FBXW10B: variants seen among roughly 807,000 people sequenced by gnomAD.
The protein encoded by FBXW10B is F-box and WD repeat domain containing protein 10B.
the FBXW10B span, chr17:15,613,618 C>T: frequency 6.4e-7 from 1 of 1,562,938 alleles, no homozygotes; most frequent in Non-Finnish European, 8.6e-7. Context: ...GAAGTACCTG[C>T]AAGAAGGTAA....
the FBXW10B span, chr17:15,612,686 G>T: frequency 1.2e-6 from 2 of 1,613,968 alleles, no homozygotes; most frequent in Non-Finnish European, 1.7e-6. Context: ...TGCCCCAGAT[G>T]CTGTTGGAAC....
At chr17:15,605,590 G>T in the FBXW10B span, 1 of 915,346 alleles carries the variant, frequency 1.1e-6, no homozygotes, top group Non-Finnish European at 1.3e-6. Flanking sequence ...AGGCTCTGAG[G>T]GATCCCCACT....
chr17:15,592,295 G>GTTTTTTTTTTTTTTTTTTTTTTTTTT, the FBXW10B span, among the ~76,000 whole-genome samples: 1 of 107,698 alleles, frequency 9.3e-6, no homozygotes, highest in African/African-American at 3.5e-5. Flanking sequence ...AATGGCCAGA[G>GTTTTTTTTTTTTTTTTTTTTTTTTTT]TTTTTTTTTT....
At chr17:15,574,595 GGAAGCATCCCA>G in the FBXW10B span, among the ~76,000 whole-genome samples, 1 of 118,562 alleles carries the variant, frequency 8.4e-6, no homozygotes, top group Non-Finnish European at 1.7e-5. Flanking sequence ...ACATCACTTA[GGAAGCATCCCA>G]GATGCTCATG....
the FBXW10B span, among the ~76,000 whole-genome samples, chr17:15,599,793 T>C: frequency 6.6e-6 from 1 of 151,946 alleles, no homozygotes; most frequent in Admixed American, 6.6e-5. Flanking sequence ...AGCAGAATGC[T>C]GAGATAATGG....
the FBXW10B span, among the ~76,000 whole-genome samples, chr17:15,570,616 G>T: frequency 6.6e-6 from 1 of 152,206 alleles, no homozygotes; most frequent in Admixed American, 6.5e-5. Flanking sequence ...GCAAGAGAGA[G>T]AAAGAAAAGG....
At chr17:15,612,640 T>G in the FBXW10B span, 1 of 1,610,858 alleles carries the variant, frequency 6.2e-7, no homozygotes, top group South Asian at 1.1e-5. Context: ...GACCTCAGCC[T>G]TCAATGGCAA....
chr17:15,615,252 C>T, the FBXW10B span, among the ~76,000 whole-genome samples: 2 of 150,264 alleles, frequency 1.3e-5, no homozygotes, highest in Admixed American at 1.3e-4. Context: ...TCCCCAGATG[C>T]TATCACCCTG....
At chr17:15,578,589 G>A in the FBXW10B span, among the ~76,000 whole-genome samples, 6 of 152,246 alleles carry the variant, frequency 3.9e-5, no homozygotes, top group Non-Finnish European at 7.3e-5. Flanking sequence ...TGTCTGTCAC[G>A]TGGCAGGCAT....
the FBXW10B span, among the ~76,000 whole-genome samples, chr17:15,607,285 A>G: frequency 6.7e-6 from 1 of 149,216 alleles, no homozygotes; most frequent in African/African-American, 2.5e-5. Flanking sequence ...AAATTAATAA[A>G]ACAAAATAAA....
At chr17:15,591,631 G>A in the FBXW10B span, among the ~76,000 whole-genome samples, 2 of 152,180 alleles carry the variant, frequency 1.3e-5, no homozygotes, top group Non-Finnish European at 2.9e-5. Context: ...CCTGGAGTGA[G>A]TGCCATGTAC....
At chr17:15,569,560 C>T in the FBXW10B span, among the ~76,000 whole-genome samples, 4 of 141,320 alleles carry the variant, frequency 2.8e-5, no homozygotes, top group East Asian at 4.5e-4. Flanking sequence ...CTCCAGAACT[C>T]GTGATCCTCC....
At chr17:15,598,548 T>C in the FBXW10B span, 1 of 1,613,794 alleles carries the variant, frequency 6.2e-7, no homozygotes, top group South Asian at 1.1e-5. Context: ...CCTGGCAATC[T>C]CTTCCTCCAG....
At chr17:15,566,627 C>T in the FBXW10B span, among the ~76,000 whole-genome samples, 1 of 151,898 alleles carries the variant, frequency 6.6e-6, no homozygotes, top group African/African-American at 2.4e-5. Flanking sequence ...GTGGCATGTT[C>T]TCTGCTCACT....
At chr17:15,586,776 G>C in the FBXW10B span, among the ~76,000 whole-genome samples, 1 of 151,520 alleles carries the variant, frequency 6.6e-6, no homozygotes, top group African/African-American at 2.4e-5. Context: ...GAAATATGAA[G>C]AAAGTAATTT....
the FBXW10B span, among the ~76,000 whole-genome samples, chr17:15,617,794 G>A: frequency 6.6e-6 from 1 of 152,122 alleles, no homozygotes; most frequent in Non-Finnish European, 1.5e-5. Flanking sequence ...CATGCTTCTG[G>A]TACAGTCTTC....
At chr17:15,570,609 A>G in the FBXW10B span, among the ~76,000 whole-genome samples, 1 of 152,248 alleles carries the variant, frequency 6.6e-6, no homozygotes, top group Admixed American at 6.5e-5. Flanking sequence ...TAATAAGGCA[A>G]GAGAGAGAAA....
At chr17:15,565,926 T>C in the FBXW10B span, 1 of 1,604,290 alleles carries the variant, frequency 6.2e-7, no homozygotes, top group Non-Finnish European at 8.5e-7. Context: ...CTCCACCCTT[T>C]AAGCTGCCAG....
chr17:15,598,699 A>G, the FBXW10B span: 149,769 of 1,382,726 alleles, frequency 0.11, 23,664 homozygotes, highest in East Asian at 0.35. Flanking sequence ...TGAGGGCCCA[A>G]AGGATCATAC....
Sources: allele counts gnomAD v4.1 joint callset (sites outside exome capture counted in the v4.1 genomes callset), GRCh38; gene constraint gnomAD v4.1.1; transcripts MANE v1.5; gene names NCBI Gene and HGNC (gene_info 2026-07-23, HGNC 2026-07-21).